INSC: variants seen among roughly 807,000 people sequenced by gnomAD.
The protein encoded by INSC is INSC spindle orientation adaptor protein, also known as protein inscuteable homolog.
In INSC, 67 loss-of-function variants were observed where a neutral mutation model predicts 58.6. The ratio of observed to expected loss-of-function variants is 1.14; its 90% confidence interval spans 0.94 to 1.40. The LOEUF (loss-of-function observed/expected upper bound fraction) is 1.40. Among genes scored for constraint, INSC ranks in the 40% most tolerant of loss-of-function variants. INSC has a pLI of 0.00. For synonymous variants in INSC, 262 were observed against 276.1 expected, an observed-to-expected ratio of 0.95 and a Z score of 0.51; for missense variants, 714 against 692.0, an observed-to-expected ratio of 1.03 and a Z score of -0.36.
intron 7 of INSC, among the ~76,000 whole-genome samples, chr11:15,216,550 G>A (rs1304513678): frequency 1.3e-5 from 2 of 152,166 alleles, no homozygotes; most frequent in Non-Finnish European, 2.9e-5. Flanking sequence ...TTGAACTATA[G>A]AAATGCAGGG....
chr11:15,190,751 C>T lies in INSC; in HGVS notation c.630C>T (p.Ser210=). ...DASDNIYTTE[S]TTGNLFSLTQ... ...CAGACAATATCTACACCACAGAGTC[C>T]ACCACAGGGAACCTGTTCAGCCTGA... Residue 210 remains serine (S), a synonymous_variant, in exon 6 of 13, where the codon TCC becomes TCT. Coordinates refer to ENST00000379556, the MANE Select transcript of INSC (RefSeq NM_001042536.3). 1 of 1,613,924 alleles carries T rather than the reference C, an allele frequency of 6.2e-7. No homozygotes were observed. Among genetic ancestry groups the T allele is most frequent in the Non-Finnish European group, 8.5e-7 (1 of 1,179,822 alleles).
chr11:15,191,147 A>G (rs929291505), intron 6 of INSC, among the ~76,000 whole-genome samples: 5 of 149,954 alleles, frequency 3.3e-5, no homozygotes, highest in Non-Finnish European at 5.9e-5. Context: ...CGTCCGGCTA[A>G]TTTTTGTATT....
At position 15,188,469 on chromosome 11, in the gene INSC, C is replaced by A. The variant is rs182832992; in HGVS notation, c.580-2232C>A. On this transcript the variant is annotated intron_variant, in intron 5 of 12. Transcript: ENST00000379556. ...TAGTCAAGTCTGCATCTGTTTCCTC[C>A]ACTATGAAATGAAGATTGGACAGAT... 3.2e-5 allele frequency: 15 copies of A among 471,222 alleles called. No individual in the cohort carries two copies. The East Asian group carries it at 2.3e-3, about 73-fold the overall frequency. The allele number at this position is 471,222 out of a possible 1,614,324, so 29.2% of individuals were successfully genotyped here.
chr11:15,198,513 G>A (rs531969008), intron 6 of INSC, among the ~76,000 whole-genome samples: 20 of 152,212 alleles, frequency 1.3e-4, no homozygotes, highest in Middle Eastern at 6.8e-3. Flanking sequence ...GGCCTCATGC[G>A]TGTTCGTTGG....
chr11:15,223,394 T>A (rs1851517239), intron 8 of INSC, among the ~76,000 whole-genome samples: 1 of 152,240 alleles, frequency 6.6e-6, no homozygotes, highest in Admixed American at 6.5e-5. Flanking sequence ...ATTCAGCAGA[T>A]ATCTTCTGGG....
the INSC span, among the ~76,000 whole-genome samples, chr11:15,264,521 G>A: frequency 1.3e-5 from 2 of 149,694 alleles, no homozygotes; most frequent in African/African-American, 4.9e-5. Flanking sequence ...GCGGGGGATA[G>A]CCATCAGATC....
intron 1 of INSC, 112 bp from the exon 2 acceptor site, chr11:15,149,018 G>A (rs949133611): frequency 3.9e-6 from 5 of 1,284,342 alleles, no homozygotes; most frequent in Non-Finnish European, 5.1e-6. Flanking sequence ...AGAGGGCTAA[G>A]AAGTCTTACC....
At chr11:15,206,828 C>G (rs533273133) in intron 7 of INSC, among the ~76,000 whole-genome samples, 1 of 152,336 alleles carries the variant, frequency 6.6e-6, no homozygotes, top group South Asian at 2.1e-4. Context: ...GTGGGTCTTG[C>G]AGCAATGGTG....
At chr11:15,152,204 G>A (rs908558837) in intron 2 of INSC, among the ~76,000 whole-genome samples, 6 of 152,188 alleles carry the variant, frequency 3.9e-5, no homozygotes, top group African/African-American at 1.4e-4. Context: ...TGTGGAAGGG[G>A]GAGGAAGGAA....
chr11:15,125,269 T>G (rs1163508522), intron 1 of INSC, among the ~76,000 whole-genome samples: 1 of 152,144 alleles, frequency 6.6e-6, no homozygotes, highest in African/African-American at 2.4e-5. Context: ...TCCATGTGAT[T>G]GGAGTTAAGT....
intron 5 of INSC, among the ~76,000 whole-genome samples, chr11:15,185,008 G>C (rs1376356335): frequency 6.6e-6 from 1 of 152,200 alleles, no homozygotes; most frequent in Non-Finnish European, 1.5e-5. Flanking sequence ...ATGGTTATTT[G>C]ATAAGTCTTG....
chr11:15,164,113 G>A (rs968608310), intron 2 of INSC, among the ~76,000 whole-genome samples: 3 of 149,080 alleles, frequency 2.0e-5, no homozygotes, highest in Admixed American at 1.4e-4. Flanking sequence ...AGCTTATTTT[G>A]TTATAGTCTT....
In INSC at chr11:15,225,754, T is replaced by C. The variant is rs1851611507; in HGVS notation, c.1096T>C (p.Leu366=). The change falls in exon 9 of 13, where the codon TTG becomes CTG. Residue 366 remains leucine (L), a synonymous_variant. Transcript: ENST00000379556. The part of the protein sequence containing the change: ...DTMACEMLLQ[L]NAIRVLLEAC... ...AATGGCCTGCGAGATGCTCCTGCAG[T>C]TGAATGCCATCCGTGTTCTCCTGGA... The C allele has an allele frequency of 6.2e-7, 1 of 1,613,966 alleles. No homozygotes were observed.
At chr11:15,205,980 G>A (rs185744447) in intron 7 of INSC, among the ~76,000 whole-genome samples, 58 of 152,264 alleles carry the variant, frequency 3.8e-4, no homozygotes, top group African/African-American at 8.4e-4. Context: ...TCTGACAGGC[G>A]TTTTGAGGCC....
At chr11:15,209,515 C>T (rs1486695850) in intron 7 of INSC, among the ~76,000 whole-genome samples, 1 of 152,066 alleles carries the variant, frequency 6.6e-6, no homozygotes, top group Non-Finnish European at 1.5e-5. Flanking sequence ...CTGTGATCCT[C>T]CCTCCTTGGT....
chr11:15,142,061 C>G (rs1323740108), intron 1 of INSC, among the ~76,000 whole-genome samples: 1 of 152,202 alleles, frequency 6.6e-6, no homozygotes, highest in Non-Finnish European at 1.5e-5. Flanking sequence ...CACCTTCCCT[C>G]CAGCCTCCTG....
rs753587664 is a variant in INSC at position 15,240,395 on chromosome 11, G to A, written c.1394-52G>A. On this transcript the variant is annotated intron_variant, in intron 11 of 12. Transcript: ENST00000379556. ...AGGGAGGCCCAGAACCTCTGGGTCA[G>A]GCCTGGCTGGGCCCTGTCCTGGGCC... 330 of 1,524,432 alleles carry A rather than the reference G, an allele frequency of 2.2e-4. 1 individual carries two copies. The highest frequency in any genetic ancestry group is 5.7e-4 in the South Asian group (50 of 87,890). The allele number at this position is 1,524,432 out of a possible 1,614,324, so 94.4% of individuals were successfully genotyped here.
At chr11:15,216,258 C>T (rs1405414138) in intron 7 of INSC, among the ~76,000 whole-genome samples, 1 of 152,136 alleles carries the variant, frequency 6.6e-6, no homozygotes, top group Non-Finnish European at 1.5e-5. Flanking sequence ...GAGATCAGGG[C>T]AAGATGGAGA....
chr11:15,114,936 C>T lies in INSC; in HGVS notation c.-113C>T, dbSNP rs1279767737. The T allele has an allele frequency of 7.1e-6, 7 of 985,332 alleles. No homozygotes were observed. The highest frequency in any genetic ancestry group is 3.5e-5 in the African/African-American group (2 of 57,230). The allele number at this position is 985,332 out of a possible 1,614,324, so 61.0% of individuals were successfully genotyped here. Reference sequence around the variant, plus strand: ...GGCAGAGCGGCCACTTTGCGCGCGGCCTCTGGAGCTCCAGCTGCGCCCCGC... The same window carrying T: ...GGCAGAGCGGCCACTTTGCGCGCGGTCTCTGGAGCTCCAGCTGCGCCCCGC... On this transcript the variant is annotated 5_prime_UTR_variant, in exon 1 of 13. Coordinates refer to ENST00000379556, the MANE Select transcript of INSC (RefSeq NM_001042536.3).
Sources: gnomAD v4.1 joint callset for allele counts (sites outside exome capture counted in the v4.1 genomes callset) on GRCh38, gnomAD v4.1.1 for gene constraint, MANE v1.5 for transcripts, NCBI Gene and HGNC (gene_info 2026-07-23, HGNC 2026-07-21) for gene names.